RALGAPA1: variants seen among roughly 807,000 people sequenced by gnomAD.
RALGAPA1 encodes ral GTPase-activating protein subunit alpha-1.
Under a neutral mutation model 269.6 loss-of-function variants are expected in RALGAPA1, and 52 were observed. That is an observed-to-expected ratio of 0.19 (90% CI 0.15 to 0.24). The LOEUF is 0.24. RALGAPA1 is among the 10% of genes least tolerant of loss of function. The pLI is 1.00. For synonymous variants in RALGAPA1, 817 were observed against 1,008.3 expected (o/e 0.81, Z 3.60); for missense variants, 1,917 against 3,013.9 (o/e 0.64, Z 8.52).
intron 30 of RALGAPA1, among the ~76,000 whole-genome samples, chr14:35,652,624 C>T (rs1419701832): frequency 4.6e-5 from 7 of 151,890 alleles, no homozygotes; most frequent in African/African-American, 1.2e-4. Flanking sequence ...AGGCTGGTCT[C>T]GAACTCCTAA....
chr14:35,611,332 T>G (rs553951436), intron 35 of RALGAPA1, among the ~76,000 whole-genome samples: 1 of 151,994 alleles, frequency 6.6e-6, no homozygotes, highest in East Asian at 1.9e-4. Flanking sequence ...TGAAACCTCA[T>G]CTCTACTAAA....
At chr14:35,742,263 A>G (rs2071628742) in intron 11 of RALGAPA1, 105 bp downstream of exon 11, 1 of 879,632 alleles carries the variant, frequency 1.1e-6, no homozygotes, top group South Asian at 1.7e-5. Context: ...AGATATCTTT[A>G]TCTTCCCATT....
intron 29 of RALGAPA1, 54 bp from the exon 30 acceptor site, chr14:35,654,531 T>C: frequency 6.6e-7 from 1 of 1,520,112 alleles, no homozygotes. Flanking sequence ...TTTTCATCAA[T>C]GTATTATCTG....
chr14:35,569,834 GTA>G (rs1238115475), intron 39 of RALGAPA1, among the ~76,000 whole-genome samples: 1 of 152,080 alleles, frequency 6.6e-6, no homozygotes, highest in Non-Finnish European at 1.5e-5. Context: ...TTAACAACAT[GTA>G]CGCTGAATAC....
chr14:35,608,964 C>T (rs1423318149), intron 35 of RALGAPA1, among the ~76,000 whole-genome samples: 1 of 152,192 alleles, frequency 6.6e-6, no homozygotes, highest in Non-Finnish European at 1.5e-5. Context: ...CGATGGCTTA[C>T]GCCTGTAATC....
chr14:35,681,361 A>C (rs2065422343), intron 21 of RALGAPA1, among the ~76,000 whole-genome samples: 1 of 152,230 alleles, frequency 6.6e-6, no homozygotes, highest in Non-Finnish European at 1.5e-5. Flanking sequence ...TTCCCAGGAG[A>C]GACCTAAAAA....
At chr14:35,761,134 G>A in intron 5 of RALGAPA1, 128 bp from the exon 6 acceptor site, 1 of 584,348 alleles carries the variant, frequency 1.7e-6, no homozygotes, top group East Asian at 2.9e-5. Context: ...GGAAGGAAGG[G>A]GAAGTTGAGG....
intron 37 of RALGAPA1, among the ~76,000 whole-genome samples, chr14:35,574,114 A>G (rs906289367): frequency 6.6e-6 from 1 of 152,224 alleles, no homozygotes; most frequent in Non-Finnish European, 1.5e-5. Context: ...AACGATAGTA[A>G]AAGCTGAGCA....
intron 1 of RALGAPA1, among the ~76,000 whole-genome samples, chr14:35,779,857 C>T (rs2075311920): frequency 6.6e-6 from 1 of 152,166 alleles, no homozygotes; most frequent in Non-Finnish European, 1.5e-5. Flanking sequence ...GGCGCAGTGG[C>T]TCACGCCTAT....
intron 31 of RALGAPA1, among the ~76,000 whole-genome samples, chr14:35,644,495 A>G (rs1407787952): frequency 1.3e-5 from 2 of 152,230 alleles, no homozygotes; most frequent in African/African-American, 4.8e-5. Context: ...GGAAAGGGGG[A>G]CTACGAAGTA....
At chr14:35,678,879 A>G (rs1434554292) in intron 21 of RALGAPA1, among the ~76,000 whole-genome samples, 1 of 152,150 alleles carries the variant, frequency 6.6e-6, no homozygotes, top group African/African-American at 2.4e-5. Context: ...TTCCTTGAGA[A>G]GCCTACTCCT....
chr14:35,602,044 G>C (rs2059321022), intron 36 of RALGAPA1, among the ~76,000 whole-genome samples: 1 of 152,014 alleles, frequency 6.6e-6, no homozygotes, highest in Admixed American at 6.6e-5. Flanking sequence ...ACCTATTGTG[G>C]ATATTACATA....
At chr14:35,667,076 T>C (rs926505066) in intron 26 of RALGAPA1, among the ~76,000 whole-genome samples, 37 of 152,184 alleles carry the variant, frequency 2.4e-4, no homozygotes, top group Non-Finnish European at 1.5e-5. Flanking sequence ...TCTCAAAGGA[T>C]GGATTCAATC....
chr14:35,542,202 A>G (rs2054074329), intron 41 of RALGAPA1: 1 of 328,564 alleles, frequency 3.0e-6, no homozygotes, highest in South Asian at 2.5e-5. Context: ...CAGCCACATT[A>G]AGTTTAAATT....
chr14:35,611,131 G>T (rs1300349766), intron 35 of RALGAPA1, among the ~76,000 whole-genome samples: 1 of 152,150 alleles, frequency 6.6e-6, no homozygotes, highest in Non-Finnish European at 1.5e-5. Flanking sequence ...GGCTGAGTGT[G>T]GTCACTCATG....
At chr14:35,781,038 A>G (rs1438497342) in intron 1 of RALGAPA1, among the ~76,000 whole-genome samples, 1 of 152,154 alleles carries the variant, frequency 6.6e-6, no homozygotes, top group African/African-American at 2.4e-5. Flanking sequence ...CATAAAAGAA[A>G]TAGAGACCCC....
At chr14:35,631,801 T>TA (rs1174577704) in intron 33 of RALGAPA1, among the ~76,000 whole-genome samples, 12 of 152,082 alleles carry the variant, frequency 7.9e-5, no homozygotes, top group African/African-American at 2.9e-4. Context: ...ACAGAAACAA[T>TA]AAAAAATCAT....
rs192475899 is a variant in RALGAPA1 at position 35,592,966 on chromosome 14, T to G, written c.7209+2668A>C. On this transcript the variant is annotated intron_variant, in intron 37 of 41. Transcript: ENST00000680220. ...ACAGGGAAAGGATGCCCACTTTTGC[T>G]GCACCTATTCAAGATAGTACTGGAA... Among the ~76,000 whole-genome samples, 801 of 152,264 alleles carry G rather than the reference T, an allele frequency of 5.3e-3. 1 individual carries two copies. The highest frequency in any genetic ancestry group is 0.018 in the African/African-American group (731 of 41,550).
At chr14:35,664,893 G>C in intron 26 of RALGAPA1, 126 bp from the exon 27 acceptor site, 1 of 750,646 alleles carries the variant, frequency 1.3e-6, no homozygotes, top group South Asian at 2.1e-5. Context: ...AAAAAGGAAA[G>C]GGAAAACACA....
Sources: gnomAD v4.1 joint callset for allele counts (sites outside exome capture counted in the v4.1 genomes callset) on GRCh38, gnomAD v4.1.1 for gene constraint, MANE v1.5 for transcripts, NCBI Gene and HGNC (gene_info 2026-07-23, HGNC 2026-07-21) for gene names.